Variants in CENPP observed in about 807,000 individuals in gnomAD.
CENPP encodes centromere protein P.
A neutral mutation model predicts 35.6 loss-of-function variants in CENPP; 24 were observed. That is an observed-to-expected ratio of 0.67 (90% CI 0.49 to 0.95). CENPP has a LOEUF of 0.95. CENPP is among the 40% of genes least tolerant of loss of function. The pLI is 0.00. For synonymous variants in CENPP, 120 were observed against 125.5 expected (o/e 0.96, Z 0.29); for missense variants, 332 against 345.3 (o/e 0.96, Z 0.31).
intron 5 of CENPP, chr9:92,501,080 G>A (rs1846643924): frequency 1.9e-6 from 3 of 1,600,856 alleles, no homozygotes; most frequent in African/African-American, 1.3e-5. Flanking sequence ...AGTAAACAGG[G>A]TAGGGACATC....
chr9:92,354,350 C>G (rs1328510656), intron 4 of CENPP, among the ~76,000 whole-genome samples: 1 of 152,196 alleles, frequency 6.6e-6, no homozygotes, highest in African/African-American at 2.4e-5. Context: ...CTGCTGCTGG[C>G]AAATTGGCCT....
intron 5 of CENPP, among the ~76,000 whole-genome samples, chr9:92,446,128 T>C (rs1243011550): frequency 6.6e-6 from 1 of 152,230 alleles, no homozygotes. Context: ...CAGGACTTTA[T>C]ACAAATGATT....
intron 5 of CENPP, among the ~76,000 whole-genome samples, chr9:92,606,723 G>T (rs1397887221): frequency 6.6e-6 from 1 of 152,138 alleles, no homozygotes; most frequent in Non-Finnish European, 1.5e-5. Flanking sequence ...GGCCAACATG[G>T]TGAAACCCCA....
At chr9:92,526,980 C>T (rs1397020678) in intron 5 of CENPP, among the ~76,000 whole-genome samples, 1 of 152,000 alleles carries the variant, frequency 6.6e-6, no homozygotes, top group Non-Finnish European at 1.5e-5. Context: ...CTTACCATAC[C>T]TTTCCTATGT....
chr9:92,325,653 C>T (rs1840422280), upstream of CENPP: 1 of 284,618 alleles, frequency 3.5e-6, no homozygotes, highest in Non-Finnish European at 6.7e-6. Flanking sequence ...CCAGCCCTGC[C>T]TCTTTAGTGA....
At chr9:92,401,111 A>G in intron 5 of CENPP, 1 of 1,496,882 alleles carries the variant, frequency 6.7e-7, no homozygotes, top group Non-Finnish European at 9.3e-7. Flanking sequence ...CTTTCTTGGG[A>G]GGTAATGGTG....
intron 5 of CENPP, among the ~76,000 whole-genome samples, chr9:92,512,840 C>G (rs1847438416): frequency 6.6e-6 from 1 of 152,132 alleles, no homozygotes; most frequent in Non-Finnish European, 1.5e-5. Flanking sequence ...TTTATCTTTT[C>G]CAAGGCTTTA....
At chr9:92,405,962 C>T (rs1372621706) in intron 5 of CENPP, among the ~76,000 whole-genome samples, 1 of 152,154 alleles carries the variant, frequency 6.6e-6, no homozygotes, top group African/African-American at 2.4e-5. Context: ...GCCTCTAAGT[C>T]AGCAGGAAAA....
intron 5 of CENPP, chr9:92,403,826 A>C: frequency 3.2e-6 from 1 of 309,226 alleles, no homozygotes; most frequent in Non-Finnish European, 4.7e-6. Flanking sequence ...TAAAAATATC[A>C]TATTTCCACT....
At chr9:92,403,528 G>C (rs957204343) in intron 5 of CENPP, 59 of 1,420,862 alleles carry the variant, frequency 4.2e-5, no homozygotes, top group Non-Finnish European at 5.2e-5. Context: ...TAAAAGCTTA[G>C]AGGATGTTTT....
At chr9:92,403,318 G>A (rs773102398) in intron 5 of CENPP, 1 of 1,613,218 alleles carries the variant, frequency 6.2e-7, no homozygotes, top group South Asian at 1.1e-5. Context: ...CATAATCATA[G>A]ATAATGCGTG....
chr9:92,498,800 C>T (rs1386280327), intron 5 of CENPP, among the ~76,000 whole-genome samples: 3 of 151,990 alleles, frequency 2.0e-5, no homozygotes, highest in African/African-American at 7.3e-5. Context: ...GTAAGATCAT[C>T]CAAGTTAATA....
At chr9:92,425,910 A>G (rs1404376636) in intron 5 of CENPP, among the ~76,000 whole-genome samples, 1 of 152,216 alleles carries the variant, frequency 6.6e-6, no homozygotes, top group Non-Finnish European at 1.5e-5. Context: ...ATAGGCCTTC[A>G]CAGTCCTTTT....
chr9:92,440,093 T>C (rs1844348356), intron 5 of CENPP, among the ~76,000 whole-genome samples: 1 of 152,210 alleles, frequency 6.6e-6, no homozygotes, highest in Non-Finnish European at 1.5e-5. Context: ...TGTCCAGCTC[T>C]GTCTAGTCCA....
intron 5 of CENPP, among the ~76,000 whole-genome samples, chr9:92,447,343 G>T (rs946413334): frequency 4.6e-5 from 7 of 151,830 alleles, no homozygotes; most frequent in Non-Finnish European, 7.4e-5. Flanking sequence ...GGGGTGATGG[G>T]AGACAGTGAC....
At chr9:92,345,906 C>T (rs551605281) in intron 4 of CENPP, 119 bp downstream of exon 4, 1 of 615,078 alleles carries the variant, frequency 1.6e-6, no homozygotes, top group African/African-American at 1.9e-5. Context: ...AAGTATAACA[C>T]CACTGTTGTG....
In CENPP at chr9:92,325,968, C is replaced by T; in HGVS notation, c.-31C>T. Reference sequence around the variant, plus strand: ...CGCGCAGGTCGGAGTGACAGCTGCGCTGCCGGCCCGGCTGCGGTCAGCAAC... The same window carrying T: ...CGCGCAGGTCGGAGTGACAGCTGCGTTGCCGGCCCGGCTGCGGTCAGCAAC... On this transcript the variant is annotated 5_prime_UTR_variant, in exon 1 of 8. Coordinates refer to ENST00000375587, the MANE Select transcript of CENPP (RefSeq NM_001012267.3). 6.5e-7 allele frequency: 1 copy of T among 1,533,622 alleles called. No homozygotes were observed. The highest frequency in any genetic ancestry group is 8.8e-7 in the Non-Finnish European group (1 of 1,132,612).
intron 4 of CENPP, among the ~76,000 whole-genome samples, chr9:92,374,059 G>T (rs534765960): frequency 3.8e-4 from 56 of 147,286 alleles, no homozygotes; most frequent in African/African-American, 1.3e-3. Flanking sequence ...TATGGTGCTG[G>T]CTTGGTCTAC....
At chr9:92,546,285 G>A (rs1406162796) in intron 5 of CENPP, among the ~76,000 whole-genome samples, 2 of 152,168 alleles carry the variant, frequency 1.3e-5, no homozygotes, top group Non-Finnish European at 2.9e-5. Context: ...GGCCAGATAA[G>A]GCAATAAAAG....
Sources: allele counts gnomAD v4.1 joint callset (sites outside exome capture counted in the v4.1 genomes callset), GRCh38; gene constraint gnomAD v4.1.1; transcripts MANE v1.5; gene names NCBI Gene and HGNC (gene_info 2026-07-23, HGNC 2026-07-21).